The following SLC52A3 variants were observed in gnomAD, a reference collection of about 807,000 sequenced individuals.
SLC52A3 encodes the protein solute carrier family 52 member 3.
A neutral mutation model predicts 29.5 loss-of-function variants in SLC52A3; 20 were observed. The ratio of observed to expected loss-of-function variants is 0.68; its 90% CI spans 0.48 to 0.99. The LOEUF is 0.99. SLC52A3 is among the 50% of genes least tolerant of loss of function. The pLI is 0.00. For missense variants in SLC52A3, 548 were observed against 612.9 expected (o/e 0.89, Z 1.12); for synonymous variants, 301 against 271.0 (o/e 1.11, Z -1.09).
intron 3 of SLC52A3, among the ~76,000 whole-genome samples, 182 bp downstream of exon 3, chr20:763,316 A>G (rs986700735): frequency 3.9e-5 from 6 of 152,248 alleles, no homozygotes; most frequent in African/African-American, 1.2e-4. Flanking sequence ...TGAGGCACAG[A>G]GAACTGAAGT....
At chr20:777,738 C>T (rs1177395427), upstream of SLC52A3, among the ~76,000 whole-genome samples, 1 of 152,162 alleles carries the variant, frequency 6.6e-6, no homozygotes, top group Non-Finnish European at 1.5e-5. Flanking sequence ...AGACCCCTCG[C>T]TTAGCAGGCA....
chr20:776,860 G>C (rs979092411), upstream of SLC52A3, among the ~76,000 whole-genome samples: 440 of 151,800 alleles, frequency 2.9e-3, 2 homozygotes, highest in African/African-American at 9.6e-3. Context: ...CGCTTTTGGG[G>C]GGGGGGCCAC....
upstream of SLC52A3, among the ~76,000 whole-genome samples, chr20:769,671 C>T (rs1034713250): frequency 2.0e-5 from 3 of 152,080 alleles, no homozygotes; most frequent in African/African-American, 4.8e-5. Flanking sequence ...ATGAGGCGGG[C>T]GGATCCCTTG....
Position 765,109 on chromosome 20 carries a change from C to T in SLC52A3, c.567+99G>A, listed in dbSNP as rs543640244. ...CCTTATGTCAGTTTAACTCATAGGC[C>T]GACCAAAGAACCTAGAAGGATGGAG... is the stretch of plus-strand genomic sequence containing the variant. On this transcript the variant is annotated intron_variant, in intron 2 of 4. Transcript: ENST00000645534. The surrounding 1 kb of genome is among the most constrained non-coding windows in gnomAD (Gnocchi z 6.6). The T allele has an allele frequency of 6.5e-5, 89 of 1,379,614 alleles. No individual in the cohort carries two copies. The highest frequency in any genetic ancestry group is 6.0e-4 in the African/African-American group (42 of 70,350). The allele number at this position is 1,379,614 out of a possible 1,614,324, so 85.5% of individuals were successfully genotyped here.
At chr20:768,125 T>C (rs1051731902) in intron 1 of SLC52A3, among the ~76,000 whole-genome samples, 172 bp downstream of exon 1, 1 of 152,196 alleles carries the variant, frequency 6.6e-6, no homozygotes, top group Non-Finnish European at 1.5e-5. Context: ...GTTTATGCTG[T>C]TTCCAACAGT....
upstream of SLC52A3, among the ~76,000 whole-genome samples, chr20:771,696 G>C (rs1429086720): frequency 6.7e-6 from 1 of 148,816 alleles, no homozygotes; most frequent in African/African-American, 2.5e-5. Context: ...GGAGAAGAGA[G>C]AAAGAGGGAG....
intron 1 of SLC52A3, 25 bp downstream of exon 1, chr20:768,272 C>G (rs1425318311): frequency 1.3e-5 from 2 of 152,246 alleles, no homozygotes; most frequent in East Asian, 3.9e-4. Flanking sequence ...AAAAGATTCC[C>G]CTACTAGGTA....
chr20:776,865 G>GGGGGGC (rs1555784961), upstream of SLC52A3, among the ~76,000 whole-genome samples: 1 of 151,028 alleles, frequency 6.6e-6, no homozygotes, highest in African/African-American at 2.4e-5. Flanking sequence ...TTGGGGGGGG[G>GGGGGGC]GCCACAGGAG....
chr20:774,618 C>T (rs556534277), intron 1 of SLC52A3, among the ~76,000 whole-genome samples: 23 of 152,214 alleles, frequency 1.5e-4, no homozygotes, highest in Non-Finnish European at 3.2e-4. Context: ...GAAGCTGCGG[C>T]TGAGAGGGAG....
At position 764,537 on chromosome 20, in the gene SLC52A3, A is replaced by AGGGGAGAGCCCCCACCTAT. The variant is rs201459653; in HGVS notation, c.568-535_568-534insATAGGTGGGGGCTCTCCCC. On this transcript the variant is annotated intron_variant, in intron 2 of 4. Coordinates refer to ENST00000645534, the MANE Select transcript of SLC52A3 (RefSeq NM_033409.4). ...CACCTAAGGGGAGAGCCCCCACCTA[A>AGGGGAGAGCCCCCACCTAT]GGAAGAACACTGCTCCACCCATCGT... 1.4e-4 allele frequency among the ~76,000 whole-genome samples: 16 copies of AGGGGAGAGCCCCCACCTAT among 115,246 alleles called. 1 individual carries two copies. The highest frequency in any genetic ancestry group is 3.7e-4 in the African/African-American group (12 of 32,308). The allele number at this position is 115,246 out of a possible 152,430, so 75.6% of individuals were successfully genotyped here.
upstream of SLC52A3, among the ~76,000 whole-genome samples, chr20:776,216 T>G (rs1394334216): frequency 6.6e-6 from 1 of 152,178 alleles, no homozygotes; most frequent in East Asian, 1.9e-4. Flanking sequence ...TGATCCCCAG[T>G]TGACAAAAGC....
chr20:764,497 A>C, intron 2 of SLC52A3, among the ~76,000 whole-genome samples: 1 of 151,804 alleles, frequency 6.6e-6, no homozygotes, highest in Admixed American at 6.5e-5. Context: ...GCCCCCACCT[A>C]AGGGGAGAAT....
At chr20:779,393 G>T (rs562926189), upstream of SLC52A3, among the ~76,000 whole-genome samples, 5 of 152,272 alleles carry the variant, frequency 3.3e-5, no homozygotes, top group African/African-American at 4.8e-5. Context: ...AGGCCAACGC[G>T]GGTGGATCAC....
intron 1 of SLC52A3, among the ~76,000 whole-genome samples, chr20:766,646 C>A (rs1986695048): frequency 6.6e-6 from 1 of 152,016 alleles, no homozygotes; most frequent in South Asian, 2.1e-4. Context: ...TTTTCCACTA[C>A]CTACCCAAAT....
chr20:767,844 T>A (rs905441982), intron 1 of SLC52A3, among the ~76,000 whole-genome samples: 1 of 152,224 alleles, frequency 6.6e-6, no homozygotes, highest in African/African-American at 2.4e-5. Flanking sequence ...GCCATCTGTT[T>A]ACCCCTTTGT....
rs368434500 is a variant in SLC52A3, at chr20:763,602, G to A, written c.969C>T (p.Thr323=). 2 of 1,614,088 alleles carry A rather than the reference G, an allele frequency of 1.2e-6. No individual in the cohort carries two copies. The highest frequency in any genetic ancestry group is 1.3e-5 in the African/African-American group (1 of 74,948). Residue 323 remains threonine (T), a synonymous_variant, in exon 3 of 5, where the codon ACC becomes ACT. Coordinates refer to ENST00000645534, the MANE Select transcript of SLC52A3 (RefSeq NM_033409.4). ...LTNGMLPSVQ[T]YSCLSYGPVA... ...CTGGCCCATAGGACAGGCAGGAGTA[G>A]GTCTGCACAGAGGGCAGCATGCCGT...
chr20:776,540 C>G (rs1292074356), upstream of SLC52A3, among the ~76,000 whole-genome samples: 5 of 152,136 alleles, frequency 3.3e-5, no homozygotes. Flanking sequence ...AAGTCGAGAG[C>G]CTTGTGTAGG....
upstream of SLC52A3, among the ~76,000 whole-genome samples, chr20:779,508 A>T (rs1172728428): frequency 1.3e-5 from 2 of 152,238 alleles, no homozygotes; most frequent in African/African-American, 2.4e-5. Flanking sequence ...CTGTAATCCC[A>T]GCTACTCGGG....
upstream of SLC52A3, among the ~76,000 whole-genome samples, chr20:778,231 T>C (rs1987122410): frequency 6.6e-6 from 1 of 152,152 alleles, no homozygotes; most frequent in South Asian, 2.1e-4. Context: ...GCCAGGCTGG[T>C]CCCGAACTCC....
Sources: gnomAD v4.1 joint callset for allele counts (sites outside exome capture counted in the v4.1 genomes callset) on GRCh38, gnomAD v4.1.1 for gene constraint, Gnocchi (gnomAD v3.1) non-coding constraint, MANE v1.5 for transcripts, NCBI Gene and HGNC (gene_info 2026-07-23, HGNC 2026-07-21) for gene names.